DYNC2LI1: variants seen among roughly 807,000 people sequenced by gnomAD.
DYNC2LI1 encodes the protein cytoplasmic dynein 2 light intermediate chain 1.
In DYNC2LI1, 45 loss-of-function variants were observed where a neutral mutation model predicts 51.9. The observed-to-expected ratio is 0.87, with a 90% confidence interval of 0.68 to 1.11. DYNC2LI1 has a LOEUF of 1.11. Ranked by LOEUF, DYNC2LI1 falls within the 50% of genes most tolerant of loss-of-function variation. The pLI is 0.00. For synonymous variants in DYNC2LI1, 130 were observed against 137.8 expected (o/e 0.94, Z 0.40); for missense variants, 490 against 417.4 (o/e 1.17, Z -1.51).
intron 11 of DYNC2LI1, 65 bp downstream of exon 11, chr2:43,804,804 G>T: frequency 2.1e-6 from 2 of 934,828 alleles, no homozygotes; most frequent in Non-Finnish European, 3.2e-6. Flanking sequence ...TAGGAAATGT[G>T]TCAAAGGGCT....
At position 43,809,979 on chromosome 2, in the gene DYNC2LI1, A is replaced by G; in HGVS notation, c.*212A>G. On this transcript the variant is annotated 3_prime_UTR_variant, in exon 13 of 13. Coordinates refer to ENST00000260605, the MANE Select transcript of DYNC2LI1 (RefSeq NM_016008.4). Reference sequence around the variant, plus strand: ...GTAGAACCACGTGTAATTTTTTTTAAAATAAAAGAATCTTCTACTACCTAC... The same window carrying G: ...GTAGAACCACGTGTAATTTTTTTTAGAATAAAAGAATCTTCTACTACCTAC... 8.0e-7 allele frequency: 1 copy of G among 1,251,214 alleles called. No individual in the cohort carries two copies. The allele number at this position is 1,251,214 out of a possible 1,614,324, so 77.5% of individuals were successfully genotyped here. A position where few individuals can be genotyped will look rare whatever the true frequency, so the allele number is the denominator to read the frequency against.
At chr2:43,812,553 A>G (rs1384667832), downstream of DYNC2LI1, 1 of 155,100 alleles carries the variant, frequency 6.4e-6, no homozygotes, top group African/African-American at 2.4e-5. Flanking sequence ...GGTGCTCACC[A>G]TCCATCTGCC....
intron 2 of DYNC2LI1, 30 bp from the exon 3 acceptor site, chr2:43,783,490 A>G: frequency 6.7e-7 from 1 of 1,502,308 alleles, no homozygotes; most frequent in Non-Finnish European, 8.9e-7. Flanking sequence ...AGTGACATTA[A>G]CGCAGTGTTC....
intron 12 of DYNC2LI1, among the ~76,000 whole-genome samples, chr2:43,806,107 C>G (rs1666245634): frequency 6.6e-6 from 1 of 152,134 alleles, no homozygotes; most frequent in African/African-American, 2.4e-5. Context: ...TGGTCTTGAA[C>G]TCCTGACCTC....
At chr2:43,787,080 A>G (rs553762430) in intron 3 of DYNC2LI1, 101 bp from the exon 4 acceptor site, 92 of 876,540 alleles carry the variant, frequency 1.0e-4, no homozygotes, top group Non-Finnish European at 1.6e-4. Context: ...CTTCTCTACT[A>G]ATAAAGTTTT....
At chr2:43,795,273 A>ATAC in intron 6 of DYNC2LI1, 1 of 815,756 alleles carries the variant, frequency 1.2e-6, no homozygotes, top group Non-Finnish European at 1.5e-6. Flanking sequence ...TGGGTGGCCG[A>ATAC]GGCGGGCGGA....
the DYNC2LI1 span, among the ~76,000 whole-genome samples, chr2:43,821,180 C>A: frequency 2.0e-5 from 3 of 152,218 alleles, no homozygotes; most frequent in Non-Finnish European, 4.4e-5. Flanking sequence ...CTGTACAAAT[C>A]ATGAAGTTTG....
At chr2:43,786,180 A>C (rs1263706418) in intron 3 of DYNC2LI1, among the ~76,000 whole-genome samples, 1 of 152,134 alleles carries the variant, frequency 6.6e-6, no homozygotes, top group Non-Finnish European at 1.5e-5. Flanking sequence ...CTGCTAGAGA[A>C]CTGCGTTAAA....
intron 3 of DYNC2LI1, among the ~76,000 whole-genome samples, chr2:43,784,958 G>A (rs959519442): frequency 3.9e-5 from 6 of 152,100 alleles, no homozygotes. Context: ...ACATAATTAT[G>A]TAAGTCACAA....
At chr2:43,800,948 T>C (rs753567776) in intron 9 of DYNC2LI1, 31 bp downstream of exon 9, 1 of 1,425,634 alleles carries the variant, frequency 7.0e-7, no homozygotes, top group Non-Finnish European at 9.8e-7. Context: ...ATATCATTTA[T>C]TGAGTGATTG....
intron 5 of DYNC2LI1, 36 bp from the exon 6 acceptor site, chr2:43,794,421 T>G (rs769038785): frequency 1.9e-6 from 3 of 1,566,008 alleles, no homozygotes; most frequent in Admixed American, 3.8e-5. Flanking sequence ...GGTAATTATT[T>G]TGAGTCTTTT....
At chr2:43,776,940 A>G (rs1472759721) in intron 2 of DYNC2LI1, 41 bp downstream of exon 2, 12 of 1,035,794 alleles carry the variant, frequency 1.2e-5, no homozygotes, top group Non-Finnish European at 1.6e-5. Context: ...TGATTTAACA[A>G]CCATTGGTAA....
At chr2:43,803,215 C>T (rs918082951) in intron 10 of DYNC2LI1, among the ~76,000 whole-genome samples, 2 of 152,124 alleles carry the variant, frequency 1.3e-5, no homozygotes, top group African/African-American at 4.8e-5. Flanking sequence ...CAAAAAATCT[C>T]TAGGCATATG....
At chr2:43,804,221 A>G (rs1666165032) in intron 10 of DYNC2LI1, among the ~76,000 whole-genome samples, 1 of 152,210 alleles carries the variant, frequency 6.6e-6, no homozygotes, top group Non-Finnish European at 1.5e-5. Context: ...TATGCATAGT[A>G]ATTAATGCAC....
At chr2:43,802,571 G>A (rs1014889657) in intron 10 of DYNC2LI1, among the ~76,000 whole-genome samples, 2 of 152,156 alleles carry the variant, frequency 1.3e-5, no homozygotes, top group African/African-American at 2.4e-5. Context: ...TCCAGTAGCA[G>A]TGAGAATCAC....
At chr2:43,793,100 C>A in intron 5 of DYNC2LI1, 1 of 192,480 alleles carries the variant, frequency 5.2e-6, no homozygotes, top group Non-Finnish European at 1.1e-5. Flanking sequence ...GTGGCTGCAC[C>A]ATTTTACATT....
chr2:43,822,993 G>T, the DYNC2LI1 span: 3 of 1,601,644 alleles, frequency 1.9e-6, no homozygotes, highest in East Asian at 6.8e-5. Context: ...AAAAAGGGAG[G>T]GCTAGCCCAA....
At chr2:43,825,052 C>A in the DYNC2LI1 span, 1 of 1,610,868 alleles carries the variant, frequency 6.2e-7, no homozygotes, top group South Asian at 1.1e-5. Flanking sequence ...AGTGTGTGAT[C>A]ACAAGGGTAG....
chr2:43,809,953 T>G lies in DYNC2LI1; in HGVS notation c.*186T>G, dbSNP rs957959276. ...GAAGCTTTTTAAAAGGAAAAATTAT[T>G]GTAGAACCACGTGTAATTTTTTTTA... On this transcript the variant is annotated 3_prime_UTR_variant, in exon 13 of 13. Coordinates refer to ENST00000260605, the MANE Select transcript of DYNC2LI1 (RefSeq NM_016008.4). The G allele has an allele frequency of 1.5e-6, 2 of 1,322,460 alleles. No homozygotes were observed. The highest frequency in any genetic ancestry group is 1.9e-6 in the Non-Finnish European group (2 of 1,029,884). The allele number at this position is 1,322,460 out of a possible 1,614,324, so 81.9% of individuals were successfully genotyped here. A position where few individuals can be genotyped will look rare whatever the true frequency, so the allele number is the denominator to read the frequency against.
Sources: gnomAD v4.1 joint callset for allele counts (sites outside exome capture counted in the v4.1 genomes callset) on GRCh38, gnomAD v4.1.1 for gene constraint, MANE v1.5 for transcripts, NCBI Gene and HGNC (gene_info 2026-07-23, HGNC 2026-07-21) for gene names.